Variants in ZMYM1 observed in about 807,000 individuals in gnomAD.
The protein encoded by ZMYM1 is zinc finger MYM-type protein 1.
ZMYM1 carries 39 observed loss-of-function variants against 60.0 expected under a neutral mutation model. The ratio of observed to expected loss-of-function variants is 0.65; its 90% CI spans 0.50 to 0.85. The LOEUF (loss-of-function observed/expected upper bound fraction) is 0.85. Ranked by LOEUF, ZMYM1 falls within the 40% of genes least tolerant of loss-of-function variation. ZMYM1 has a pLI of 0.00. For missense variants in ZMYM1, 1,171 were observed against 1,309.5 expected (o/e 0.89, Z 1.63); for synonymous variants, 413 against 454.0 (o/e 0.91, Z 1.15).
upstream of ZMYM1, among the ~76,000 whole-genome samples, chr1:35,075,046 G>C (rs1047485850): frequency 6.6e-6 from 1 of 152,010 alleles, no homozygotes; most frequent in Non-Finnish European, 1.5e-5. Context: ...ATTTTTAGTA[G>C]AGATGGGGTT....
intron 1 of ZMYM1, among the ~76,000 whole-genome samples, chr1:35,087,588 G>A (rs1025546654): frequency 6.6e-6 from 1 of 151,780 alleles, no homozygotes; most frequent in African/African-American, 2.4e-5. Context: ...CACCACGCTC[G>A]GCTAATTTTT....
At position 35,115,167 on chromosome 1, in the gene ZMYM1, G is replaced by A; in HGVS notation, c.3337G>A (p.Ala1113Thr). ...QEKLTGPALM[A>T]VEQELVNKLM... ...GAAGCTTACTGGCCCAGCCCTAATG[G>A]CTGTTGAGCAGGAGTTGGTAAATAA... The change falls in exon 10 of 10, where the codon GCT becomes ACT. Residue 1113 changes from alanine (A) to threonine (T), a missense_variant. Transcript: ENST00000359858. The A allele has an allele frequency of 1.9e-6, 3 of 1,613,974 alleles. No homozygotes were observed. The highest frequency in any genetic ancestry group is 2.2e-5 in the South Asian group (2 of 91,036).
intron 4 of ZMYM1, among the ~76,000 whole-genome samples, chr1:35,097,921 T>G (rs971818000): frequency 7.2e-5 from 11 of 152,228 alleles, no homozygotes; most frequent in African/African-American, 2.7e-4. Context: ...AGTGCTGGGA[T>G]TACAGGTGTG....
chr1:35,066,485 A>C (rs1641974079), intron 1 of ZMYM1, among the ~76,000 whole-genome samples: 1 of 152,230 alleles, frequency 6.6e-6, no homozygotes. Context: ...GGCATGAGCC[A>C]CTGCACCTGG....
chr1:35,075,324 T>C (rs1318388349), upstream of ZMYM1, among the ~76,000 whole-genome samples: 5 of 152,070 alleles, frequency 3.3e-5, no homozygotes, highest in Non-Finnish European at 7.4e-5. Context: ...TGGGTCTTGC[T>C]TTTTTGTTGT....
At chr1:35,088,434 G>GTATATATATATATATATATA (rs58346528) in intron 1 of ZMYM1, among the ~76,000 whole-genome samples, 16 of 68,050 alleles carry the variant, frequency 2.4e-4, no homozygotes, top group African/African-American at 5.4e-4. Context: ...GTGTTTATGT[G>GTATATATATATATATATATA]TATATATATA....
At chr1:35,063,545 C>G (rs1201803748) in intron 1 of ZMYM1, among the ~76,000 whole-genome samples, 1 of 152,082 alleles carries the variant, frequency 6.6e-6, no homozygotes, top group East Asian at 1.9e-4. Context: ...TCAAGCAGTC[C>G]TTCCACCACA....
chr1:35,109,510 A>G (rs921051522), intron 6 of ZMYM1, among the ~76,000 whole-genome samples: 2 of 152,216 alleles, frequency 1.3e-5, no homozygotes, highest in East Asian at 3.9e-4. Flanking sequence ...GCTTTCTTAC[A>G]ATATGCTTGT....
chr1:35,098,867 A>T (rs566685024), intron 4 of ZMYM1, among the ~76,000 whole-genome samples: 1 of 105,288 alleles, frequency 9.5e-6, no homozygotes, highest in South Asian at 4.0e-4. Context: ...AGATCAGGCC[A>T]CTGCACTGAC....
At chr1:35,072,258 T>C (rs971290727) in intron 1 of ZMYM1, among the ~76,000 whole-genome samples, 3 of 152,248 alleles carry the variant, frequency 2.0e-5, no homozygotes, top group Non-Finnish European at 4.4e-5. Flanking sequence ...ATTTTTGCTC[T>C]GTTCAGATTT....
chr1:35,087,583 C>T (rs1478801849), intron 1 of ZMYM1, among the ~76,000 whole-genome samples: 2 of 151,958 alleles, frequency 1.3e-5, no homozygotes, highest in East Asian at 3.9e-4. Flanking sequence ...TGCCCCACCA[C>T]GCTCGGCTAA....
chr1:35,115,121 A>G lies in ZMYM1; in HGVS notation c.3291A>G (p.Leu1097=). 1 of 1,614,096 alleles carries G rather than the reference A, an allele frequency of 6.2e-7. No individual in the cohort carries two copies. The highest frequency in any genetic ancestry group is 8.5e-7 in the Non-Finnish European group (1 of 1,179,988). ...CCCTGCCTCGTCTTAAGACATATTT[A>G]TGTAATACCATGGGACAAGAGAAGC... ...FSTLPRLKTY[L]CNTMGQEKLT... The change falls in exon 10 of 10, where the codon TTA becomes TTG. Residue 1097 remains leucine (L), a synonymous_variant. Coordinates refer to ENST00000359858, the MANE Select transcript of ZMYM1 (RefSeq NM_024772.5).
chr1:35,107,761 G>T (rs1370734126), intron 6 of ZMYM1, among the ~76,000 whole-genome samples: 2 of 152,126 alleles, frequency 1.3e-5, no homozygotes, highest in South Asian at 2.1e-4. Context: ...TATGTTAATA[G>T]AATATATTAA....
At chr1:35,100,480 G>T (rs1425398998) in intron 4 of ZMYM1, among the ~76,000 whole-genome samples, 1 of 151,884 alleles carries the variant, frequency 6.6e-6, no homozygotes, top group Non-Finnish European at 1.5e-5. Context: ...AAATTAGCCA[G>T]GCGTGGTGGT....
At chr1:35,087,719 C>T (rs1274716628) in intron 1 of ZMYM1, among the ~76,000 whole-genome samples, 2 of 152,084 alleles carry the variant, frequency 1.3e-5, no homozygotes, top group Admixed American at 6.6e-5. Context: ...TGAGCCACCA[C>T]GCCTGGCCTC....
intron 4 of ZMYM1, 43 bp downstream of exon 4, chr1:35,097,609 G>C: frequency 1.2e-6 from 2 of 1,600,034 alleles, no homozygotes; most frequent in Non-Finnish European, 1.7e-6. Flanking sequence ...TCCCTACCTT[G>C]TTCTTGATCA....
intron 1 of ZMYM1, among the ~76,000 whole-genome samples, chr1:35,085,843 C>T (rs1257594849): frequency 6.6e-6 from 1 of 152,180 alleles, no homozygotes; most frequent in Non-Finnish European, 1.5e-5. Flanking sequence ...TGGCCCCTAG[C>T]ATTTGTGGGG....
Position 35,097,681 on chromosome 1 carries a change from G to C in ZMYM1, c.419+115G>C, listed in dbSNP as rs1359868692. ...TTTTTTGAGACTGAGTTTGACTCTT[G>C]TTGCCCAGGCTGGAGTGCAGTGGCA... On this transcript the variant is annotated intron_variant, in intron 4 of 9. Transcript: ENST00000359858. The C allele has an allele frequency of 5.2e-6, 7 of 1,334,004 alleles. No homozygotes were observed. In the Admixed American group the frequency reaches 5.8e-5, roughly 11 times the overall value. 82.6% of individuals were successfully genotyped at this position (1,334,004 alleles called of 1,614,324 possible).
At chr1:35,062,514 C>A (rs1205172387) in intron 1 of ZMYM1, among the ~76,000 whole-genome samples, 4 of 152,162 alleles carry the variant, frequency 2.6e-5, no homozygotes, top group African/African-American at 9.7e-5. Context: ...TTATTGGGCT[C>A]CCTTTGAATT....
Sources: allele counts gnomAD v4.1 joint callset (sites outside exome capture counted in the v4.1 genomes callset), GRCh38; gene constraint gnomAD v4.1.1; transcripts MANE v1.5; gene names NCBI Gene and HGNC (gene_info 2026-07-23, HGNC 2026-07-21).